IGF2BP3: variants seen among roughly 807,000 people sequenced by gnomAD.
IGF2BP3 encodes the protein insulin like growth factor 2 mRNA binding protein 3.
Under a neutral mutation model 73.8 loss-of-function variants are expected in IGF2BP3, and 9 were observed. The ratio of observed to expected loss-of-function variants is 0.12; its 90% CI spans 0.07 to 0.21. The LOEUF (loss-of-function observed/expected upper bound fraction) is 0.21, where lower values mean the gene tolerates loss of function less well. IGF2BP3 is among the 10% of genes least tolerant of loss of function. The pLI is 1.00. For missense variants in IGF2BP3, 542 were observed against 714.0 expected (o/e 0.76, Z 2.75); for synonymous variants, 258 against 256.7 (o/e 1.01, Z -0.05).
chr7:23,377,761 T>C (rs1017711548), intron 3 of IGF2BP3, among the ~76,000 whole-genome samples: 1 of 152,174 alleles, frequency 6.6e-6, no homozygotes, highest in Non-Finnish European at 1.5e-5. Flanking sequence ...ACAATAATTA[T>C]TACCCAGCCA....
intron 10 of IGF2BP3, among the ~76,000 whole-genome samples, chr7:23,334,661 G>A (rs1009193495): frequency 6.6e-6 from 1 of 152,248 alleles, no homozygotes; most frequent in Non-Finnish European, 1.5e-5. Context: ...ATTTGTGCCA[G>A]ATGCCTATCG....
chr7:23,401,620 C>G (rs1455546885), intron 3 of IGF2BP3, among the ~76,000 whole-genome samples: 1 of 151,948 alleles, frequency 6.6e-6, no homozygotes, highest in Non-Finnish European at 1.5e-5. Flanking sequence ...CAAAAATTAG[C>G]TGGGCTTGGT....
At chr7:23,339,354 T>C (rs1488660415) in intron 10 of IGF2BP3, among the ~76,000 whole-genome samples, 1 of 152,232 alleles carries the variant, frequency 6.6e-6, no homozygotes, top group Non-Finnish European at 1.5e-5. Context: ...TATAAGTTCT[T>C]AATATGATCT....
chr7:23,405,519 G>A (rs1786799382), intron 3 of IGF2BP3, among the ~76,000 whole-genome samples: 1 of 152,230 alleles, frequency 6.6e-6, no homozygotes, highest in Non-Finnish European at 1.5e-5. Context: ...GTTTAGGCTG[G>A]AGAAGCAAGA....
intron 3 of IGF2BP3, among the ~76,000 whole-genome samples, chr7:23,374,182 G>T (rs1343466754): frequency 7.2e-5 from 11 of 152,128 alleles, no homozygotes; most frequent in Non-Finnish European, 4.4e-5. Flanking sequence ...CATGTTCATG[G>T]GAGCATTATT....
intron 8 of IGF2BP3, 88 bp downstream of exon 8, chr7:23,345,852 G>T: frequency 7.0e-7 from 1 of 1,433,998 alleles, no homozygotes; most frequent in Non-Finnish European, 9.4e-7. Flanking sequence ...AGCTGAAGCA[G>T]CTGTAAAGTG....
At chr7:23,346,861 G>A (rs1034711212) in intron 7 of IGF2BP3, among the ~76,000 whole-genome samples, 3 of 152,006 alleles carry the variant, frequency 2.0e-5, no homozygotes, top group Admixed American at 2.0e-4. Flanking sequence ...AAAGTGCTGG[G>A]ATTACAGGCA....
chr7:23,454,819 C>T (rs1788278440), intron 2 of IGF2BP3, among the ~76,000 whole-genome samples: 1 of 152,200 alleles, frequency 6.6e-6, no homozygotes, highest in African/African-American at 2.4e-5. Flanking sequence ...CATTACATCA[C>T]TTGGGATGTC....
chr7:23,466,665 C>T (rs1375210460), intron 2 of IGF2BP3, among the ~76,000 whole-genome samples: 1 of 152,150 alleles, frequency 6.6e-6, no homozygotes, highest in Non-Finnish European at 1.5e-5. Flanking sequence ...TGCTTTTGGA[C>T]TAAGCAAAAG....
chr7:23,367,600 G>C (rs1675922739), intron 3 of IGF2BP3, among the ~76,000 whole-genome samples: 1 of 152,132 alleles, frequency 6.6e-6, no homozygotes, highest in Admixed American at 6.5e-5. Context: ...GAGGGAGGAA[G>C]GGGTATAAAT....
At position 23,311,610 on chromosome 7, in the gene IGF2BP3, C is replaced by A. The variant is rs1261773766; in HGVS notation, c.*752G>T. On this transcript the variant is annotated 3_prime_UTR_variant, in exon 15 of 15. Coordinates refer to ENST00000258729, the MANE Select transcript of IGF2BP3 (RefSeq NM_006547.3). Reference sequence around the variant, plus strand: ...ACTGTGTCAAAAGCCTCAAAAAACCCTGAAATTAATTTTCCAGCTTTACTG... The same window carrying A: ...ACTGTGTCAAAAGCCTCAAAAAACCATGAAATTAATTTTCCAGCTTTACTG... 1.3e-5 allele frequency: 2 copies of A among 152,290 alleles called. No homozygotes were observed. The highest frequency in any genetic ancestry group is 2.9e-5 in the Non-Finnish European group (2 of 68,022). The allele number at this position is 152,290 out of a possible 1,614,324, so 9.4% of individuals were successfully genotyped here.
intron 10 of IGF2BP3, among the ~76,000 whole-genome samples, chr7:23,321,230 C>A (rs1333980876): frequency 4.0e-5 from 6 of 148,486 alleles, no homozygotes; most frequent in Admixed American, 4.0e-4. Context: ...ATGGGTGAGC[C>A]GAAGCAGGGC....
intron 10 of IGF2BP3, among the ~76,000 whole-genome samples, chr7:23,322,769 A>G (rs570859922): frequency 4.5e-4 from 69 of 152,346 alleles, no homozygotes; most frequent in African/African-American, 1.6e-3. Context: ...CCGATATTCA[A>G]CATTCTTAAA....
At chr7:23,392,858 TG>T (rs1307881338) in intron 3 of IGF2BP3, among the ~76,000 whole-genome samples, 3 of 152,148 alleles carry the variant, frequency 2.0e-5, no homozygotes, top group African/African-American at 7.2e-5. Context: ...CTTGAACTCT[TG>T]GGCTCAAGAA....
intron 2 of IGF2BP3, among the ~76,000 whole-genome samples, chr7:23,429,990 T>A (rs1787626517): frequency 6.6e-6 from 1 of 152,178 alleles, no homozygotes; most frequent in Non-Finnish European, 1.5e-5. Context: ...ACTGCTTCCC[T>A]GCTTTATAAG....
rs955710213 is a variant in IGF2BP3, at chr7:23,464,683, TAAAA to T, written c.236+3795_236+3798del. The stretch of plus-strand genomic sequence containing the variant: ...TGGGCAACAGAGAGAGACTCCATCT[TAAAA>T]AAAAATAAATAAATAAAAATAAAAA... On this transcript the variant is annotated intron_variant, in intron 2 of 14. Transcript: ENST00000258729. Among the ~76,000 whole-genome samples the T allele has an allele frequency of 1.4e-3, 202 of 145,398 alleles. 1 individual carries two copies. The highest frequency in any genetic ancestry group is 7.0e-3 in the Middle Eastern group (2 of 286).
chr7:23,442,691 C>T (rs374574400), intron 2 of IGF2BP3, among the ~76,000 whole-genome samples: 31 of 152,214 alleles, frequency 2.0e-4, no homozygotes, highest in African/African-American at 7.5e-4. Flanking sequence ...AGCTACCGAG[C>T]CCAGTCTGTT....
chr7:23,460,259 G>A (rs1013255746), intron 2 of IGF2BP3, among the ~76,000 whole-genome samples: 1 of 149,560 alleles, frequency 6.7e-6, no homozygotes, highest in African/African-American at 2.5e-5. Context: ...TAGATCAACT[G>A]GCCAGGAGCG....
chr7:23,442,516 G>A (rs936750430), intron 2 of IGF2BP3, among the ~76,000 whole-genome samples: 2 of 152,030 alleles, frequency 1.3e-5, no homozygotes, highest in East Asian at 3.9e-4. Context: ...TCCTGCCTCA[G>A]CCTCTGGAGT....
Sources: gnomAD v4.1 joint callset for allele counts (sites outside exome capture counted in the v4.1 genomes callset) on GRCh38, gnomAD v4.1.1 for gene constraint, MANE v1.5 for transcripts, NCBI Gene and HGNC (gene_info 2026-07-23, HGNC 2026-07-21) for gene names.